Variants in COL19A1 observed in about 807,000 individuals in gnomAD.
The protein encoded by COL19A1 is collagen type XIX alpha 1 chain, also known as collagen alpha-1(XIX) chain.
Under a neutral mutation model 190.2 loss-of-function variants are expected in COL19A1, and 159 were observed. The ratio of observed to expected loss-of-function variants is 0.84; its 90% CI spans 0.73 to 0.95. COL19A1 has a LOEUF of 0.95. Among genes scored for constraint, COL19A1 ranks in the 40% least tolerant of loss-of-function variants. COL19A1 has a pLI of 0.00. For synonymous variants in COL19A1, 509 were observed against 458.9 expected (o/e 1.11, Z -1.39); for missense variants, 1,418 against 1,431.9 (o/e 0.99, Z 0.16).
chr6:69,947,835 T>C (rs1773910091), intron 9 of COL19A1, among the ~76,000 whole-genome samples: 1 of 151,858 alleles, frequency 6.6e-6, no homozygotes, highest in African/African-American at 2.4e-5. Context: ...GATATGCAAA[T>C]TCTTTACTCC....
chr6:70,047,809 G>A (rs1458704304), intron 14 of COL19A1, among the ~76,000 whole-genome samples: 1 of 152,068 alleles, frequency 6.6e-6, no homozygotes, highest in African/African-American at 2.4e-5. Flanking sequence ...AGCAAGACAG[G>A]GACTATGAGT....
intron 22 of COL19A1, 33 bp downstream of exon 22, chr6:70,142,109 A>G (rs1448391738): frequency 1.3e-6 from 2 of 1,588,454 alleles, no homozygotes; most frequent in African/African-American, 2.7e-5. Flanking sequence ...TTCTTGGGAA[A>G]TAATTTGGGA....
At chr6:69,988,019 C>T (rs945820951) in intron 11 of COL19A1, among the ~76,000 whole-genome samples, 1 of 152,184 alleles carries the variant, frequency 6.6e-6, no homozygotes, top group African/African-American at 2.4e-5. Context: ...CTGACTCATA[C>T]AGGTTCTGGA....
intron 11 of COL19A1, among the ~76,000 whole-genome samples, chr6:69,997,050 A>AGAG (rs1562072235): frequency 4.9e-5 from 7 of 144,236 alleles, no homozygotes; most frequent in African/African-American, 1.6e-4. Context: ...GAGAGAGAGA[A>AGAG]AGAGAACCAA....
chr6:70,202,290 A>G (rs146089168), intron 49 of COL19A1, among the ~76,000 whole-genome samples: 162 of 152,314 alleles, frequency 1.1e-3, no homozygotes, highest in African/African-American at 3.7e-3. Flanking sequence ...CAGGAAAGAA[A>G]TCCATTTGGT....
intron 19 of COL19A1, 36 bp downstream of exon 19, chr6:70,137,783 T>A (rs1785960744): frequency 1.3e-6 from 2 of 1,599,594 alleles, no homozygotes; most frequent in Non-Finnish European, 1.7e-6. Flanking sequence ...AGGAAGAATA[T>A]CTAAAAAACG....
At position 69,928,042 on chromosome 6, in the gene COL19A1, C is replaced by G. The variant is rs759376514; in HGVS notation, c.390+10C>G. ...GCAGAATATTCCACAGGTAAAGTAC[C>G]ATTAGAGTTGTGCTCATTAGTTTTC... is the stretch of plus-strand genomic sequence containing the variant. On this transcript the variant is annotated intron_variant, in intron 5 of 50. Transcript: ENST00000620364. 2 of 1,610,492 alleles carry G rather than the reference C, an allele frequency of 1.2e-6. No homozygotes were observed. The highest frequency in any genetic ancestry group is 2.2e-5 in the East Asian group (1 of 44,778).
At chr6:69,912,499 G>A (rs1177706204) in intron 4 of COL19A1, among the ~76,000 whole-genome samples, 3 of 152,110 alleles carry the variant, frequency 2.0e-5, no homozygotes, top group Non-Finnish European at 2.9e-5. Flanking sequence ...TTATCAATGC[G>A]TGTTGCTATT....
chr6:69,976,499 T>C (rs140407578), intron 11 of COL19A1, among the ~76,000 whole-genome samples: 1 of 152,232 alleles, frequency 6.6e-6, no homozygotes, highest in Non-Finnish European at 1.5e-5. Flanking sequence ...AGAGTAGATA[T>C]GAAATGCTTG....
chr6:70,111,342 T>C (rs964950446), intron 16 of COL19A1, among the ~76,000 whole-genome samples: 1 of 152,154 alleles, frequency 6.6e-6, no homozygotes, highest in African/African-American at 2.4e-5. Flanking sequence ...TTTTCAGCAT[T>C]GTCTAGGGGA....
At chr6:69,951,895 C>A (rs1774144835) in intron 9 of COL19A1, among the ~76,000 whole-genome samples, 1 of 151,838 alleles carries the variant, frequency 6.6e-6, no homozygotes. Context: ...CCATGGAAAT[C>A]CATAGCTCTT....
intron 4 of COL19A1, among the ~76,000 whole-genome samples, chr6:69,903,607 G>A (rs1465633047): frequency 1.3e-5 from 2 of 152,144 alleles, no homozygotes; most frequent in Admixed American, 1.3e-4. Context: ...ATCCATAAAT[G>A]CACCCATCCT....
intron 17 of COL19A1, among the ~76,000 whole-genome samples, chr6:70,129,204 T>G (rs1785374540): frequency 6.6e-6 from 1 of 152,120 alleles, no homozygotes; most frequent in Non-Finnish European, 1.5e-5. Flanking sequence ...TTGAGAAAAT[T>G]GTCCAGAAAT....
In COL19A1 at chr6:69,898,931, T is replaced by G. The variant is rs369341200; in HGVS notation, c.92-17T>G. On this transcript the variant is annotated splice_polypyrimidine_tract_variant and intron_variant, in intron 2 of 50. Transcript: ENST00000620364. ...TACATAATGCAAATCCTCTATGCTT[T>G]TTTTCTTTTTAAATAGAAGAGTCAT... The G allele has an allele frequency of 2.7e-5, 42 of 1,539,220 alleles. No homozygotes were observed. In the African/African-American group the frequency reaches 3.8e-4, roughly 14 times the overall value.
chr6:69,981,351 T>G (rs145020993), intron 11 of COL19A1, among the ~76,000 whole-genome samples: 198 of 152,244 alleles, frequency 1.3e-3, no homozygotes, highest in Non-Finnish European at 2.3e-3. Flanking sequence ...TGCTGGGTAA[T>G]CTAAATTGAT....
chr6:69,904,010 G>A (rs575607550), intron 4 of COL19A1, among the ~76,000 whole-genome samples: 1 of 152,272 alleles, frequency 6.6e-6, no homozygotes, highest in South Asian at 2.1e-4. Flanking sequence ...TCCCATCAAG[G>A]CAAACTGATG....
chr6:70,141,963 CCTT>C, intron 21 of COL19A1, 35 bp downstream of exon 21: 2 of 1,609,988 alleles, frequency 1.2e-6, no homozygotes, highest in East Asian at 4.5e-5. Flanking sequence ...TCCTCTCCAA[CCTT>C]AATGAGATTA....
intron 14 of COL19A1, among the ~76,000 whole-genome samples, chr6:70,061,014 C>T (rs552117642): frequency 2.6e-4 from 40 of 152,040 alleles, no homozygotes; most frequent in Non-Finnish European, 5.9e-4. Flanking sequence ...ATGCTGAGCT[C>T]TATCCAAGTT....
intron 14 of COL19A1, among the ~76,000 whole-genome samples, chr6:70,050,483 C>T (rs551616256): frequency 1.3e-5 from 2 of 151,960 alleles, no homozygotes; most frequent in Admixed American, 6.6e-5. Context: ...CAACTGTATC[C>T]CCAGAGACTA....
Sources: allele counts gnomAD v4.1 joint callset (sites outside exome capture counted in the v4.1 genomes callset), GRCh38; gene constraint gnomAD v4.1.1; transcripts MANE v1.5; gene names NCBI Gene and HGNC (gene_info 2026-07-23, HGNC 2026-07-21).